The following DCBLD1 variants were observed in gnomAD, a reference collection of about 807,000 sequenced individuals.
The protein encoded by DCBLD1 is discoidin, CUB and LCCL domain-containing protein 1.
In DCBLD1, 57 loss-of-function variants were observed where a neutral mutation model predicts 71.5. The observed-to-expected ratio is 0.80, with a 90% CI of 0.64 to 0.99. The LOEUF (loss-of-function observed/expected upper bound fraction) is 0.99, where lower values mean the gene tolerates loss of function less well. Ranked by LOEUF, DCBLD1 falls within the 50% of genes least tolerant of loss-of-function variation. DCBLD1 has a pLI of 0.00. For missense variants in DCBLD1, 891 were observed against 923.5 expected (o/e 0.96, Z 0.46); for synonymous variants, 380 against 363.8 (o/e 1.04, Z -0.51).
rs749582889 is a variant in DCBLD1, at chr6:117,539,237, ATAT to A, written c.977-13_977-11del. ...ACAAACTTTTAAAAATAGCCTGTAA[ATAT>A]TATTTTCTTACAAGGAATTAGGACC... On this transcript the variant is annotated splice_polypyrimidine_tract_variant and intron_variant, in intron 8 of 14. Coordinates refer to ENST00000338728, the MANE Select transcript of DCBLD1 (RefSeq NM_001366458.2). The A allele has an allele frequency of 3.3e-6, 5 of 1,521,402 alleles. No individual in the cohort carries two copies. In the African/African-American group the frequency reaches 7.0e-5, roughly 21 times the overall value. The allele number at this position is 1,521,402 out of a possible 1,614,324, so 94.2% of individuals were successfully genotyped here. A position where few individuals can be genotyped will look rare whatever the true frequency, so the allele number is the denominator to read the frequency against.
At chr6:117,529,441 C>T (rs551074389) in intron 5 of DCBLD1, among the ~76,000 whole-genome samples, 53 of 152,124 alleles carry the variant, frequency 3.5e-4, no homozygotes, top group Non-Finnish European at 4.3e-4. Flanking sequence ...AGGCTAGGTA[C>T]ATATGCTAGG....
intron 1 of DCBLD1, among the ~76,000 whole-genome samples, chr6:117,492,751 A>G (rs1360790193): frequency 2.0e-5 from 3 of 152,032 alleles, no homozygotes; most frequent in Non-Finnish European, 4.4e-5. Flanking sequence ...TTTTCTCTCA[A>G]CTCTCATGTT....
chr6:117,519,221 T>C (rs1324315539), intron 2 of DCBLD1, among the ~76,000 whole-genome samples: 1 of 152,236 alleles, frequency 6.6e-6, no homozygotes, highest in Admixed American at 6.5e-5. Flanking sequence ...AACAATGTTA[T>C]ACCCTTAATT....
At chr6:117,560,739 G>A (rs1779568671) in intron 14 of DCBLD1, 2 of 204,452 alleles carry the variant, frequency 9.8e-6, no homozygotes, top group Non-Finnish European at 1.0e-5. Flanking sequence ...GAGGTTAAGT[G>A]TAAATATATA....
intron 1 of DCBLD1, among the ~76,000 whole-genome samples, chr6:117,487,278 G>A (rs2114354178): frequency 6.6e-6 from 1 of 152,182 alleles, no homozygotes; most frequent in East Asian, 1.9e-4. Flanking sequence ...AGGATGGGGT[G>A]AGAAGGCAGT....
At chr6:117,547,513 C>T in intron 14 of DCBLD1, 1 of 492,914 alleles carries the variant, frequency 2.0e-6, no homozygotes, top group African/African-American at 2.0e-5. Context: ...ACAAACTACT[C>T]TGTGTCCCTC....
At chr6:117,503,133 A>G (rs1777718109) in intron 1 of DCBLD1, among the ~76,000 whole-genome samples, 1 of 151,868 alleles carries the variant, frequency 6.6e-6, no homozygotes. Flanking sequence ...TTTTAATACC[A>G]TGTCTGGTTA....
intron 2 of DCBLD1, among the ~76,000 whole-genome samples, chr6:117,513,461 A>G (rs1188444734): frequency 6.6e-6 from 1 of 152,112 alleles, no homozygotes; most frequent in Non-Finnish European, 1.5e-5. Context: ...TCTTCCCACA[A>G]TATAGGGCCG....
At chr6:117,555,598 G>A (rs1253986934) in intron 14 of DCBLD1, among the ~76,000 whole-genome samples, 2 of 152,174 alleles carry the variant, frequency 1.3e-5, no homozygotes, top group East Asian at 3.8e-4. Context: ...TCCGTATTTG[G>A]TGGGGGCAGG....
At chr6:117,528,986 G>A (rs767206210) in intron 5 of DCBLD1, among the ~76,000 whole-genome samples, 9 of 152,026 alleles carry the variant, frequency 5.9e-5, no homozygotes, top group Non-Finnish European at 1.3e-4. Context: ...GACTACAGAC[G>A]CCTGCCACCA....
intron 2 of DCBLD1, among the ~76,000 whole-genome samples, chr6:117,516,765 C>A (rs1341068145): frequency 6.6e-6 from 1 of 152,182 alleles, no homozygotes; most frequent in African/African-American, 2.4e-5. Context: ...GCACGTCTCA[C>A]CTGGTGGCAG....
intron 7 of DCBLD1, 95 bp downstream of exon 7, chr6:117,537,320 G>T: frequency 8.6e-7 from 1 of 1,163,378 alleles, no homozygotes; most frequent in Non-Finnish European, 1.3e-6. Flanking sequence ...GGATCATGAG[G>T]TCAGGAGATC....
downstream of DCBLD1, among the ~76,000 whole-genome samples, chr6:117,554,612 G>A (rs984111413): frequency 1.3e-5 from 2 of 152,072 alleles, no homozygotes; most frequent in Non-Finnish European, 1.5e-5. Context: ...ATTCATTTGT[G>A]GGCCAGGTGC....
At chr6:117,524,867 A>G (rs139412751) in intron 4 of DCBLD1, among the ~76,000 whole-genome samples, 44 of 152,316 alleles carry the variant, frequency 2.9e-4, no homozygotes, top group African/African-American at 1.1e-3. Flanking sequence ...TTATATTTCT[A>G]TCAGACAGTG....
intron 1 of DCBLD1, among the ~76,000 whole-genome samples, chr6:117,487,096 G>A (rs62433110): frequency 2.6e-5 from 4 of 152,090 alleles, no homozygotes; most frequent in Non-Finnish European, 5.9e-5. Context: ...ACCCGTCCCT[G>A]TTGCCAAAAA....
chr6:117,564,878 G>A (rs1779662855), intron 14 of DCBLD1, among the ~76,000 whole-genome samples: 1 of 152,148 alleles, frequency 6.6e-6, no homozygotes. Context: ...TGCTATCTTT[G>A]TGCAGACAGT....
At chr6:117,487,308 T>C (rs979608749) in intron 1 of DCBLD1, among the ~76,000 whole-genome samples, 1 of 152,144 alleles carries the variant, frequency 6.6e-6, no homozygotes, top group African/African-American at 2.4e-5. Context: ...ATTCCTGCCC[T>C]GTAAGACTCA....
chr6:117,534,940 A>G (rs1475181936), intron 6 of DCBLD1, among the ~76,000 whole-genome samples: 1 of 152,168 alleles, frequency 6.6e-6, no homozygotes, highest in Non-Finnish European at 1.5e-5. Flanking sequence ...GTTCAGAATT[A>G]TATCAAGATC....
chr6:117,503,768 T>G lies in DCBLD1; in HGVS notation c.114T>G (p.Gly38=). 6.2e-7 allele frequency: 1 copy of G among 1,614,046 alleles called. No homozygotes were observed. Among genetic ancestry groups the G allele is most frequent in the South Asian group, 1.1e-5 (1 of 91,072 alleles). ...TCCCCCCTTCTTTTTCTTTACCAGG[T>G]GATGGCTGTGGACACCTAGTGACTT... ...APLRLQAEEL[G]DGCGHLVTYQ... Residue 38 remains glycine, a splice_region_variant and synonymous_variant, in exon 2 of 15, where the codon GGT becomes GGG. Transcript: ENST00000338728.
Sources: allele counts gnomAD v4.1 joint callset (sites outside exome capture counted in the v4.1 genomes callset), GRCh38; gene constraint gnomAD v4.1.1; transcripts MANE v1.5; gene names NCBI Gene and HGNC (gene_info 2026-07-23, HGNC 2026-07-21).